Variants in GNAI3 observed in about 807,000 individuals in gnomAD.
GNAI3 encodes the protein guanine nucleotide-binding protein G(i) subunit alpha-3.
GNAI3 carries 12 observed loss-of-function variants against 41.8 expected under a neutral mutation model. The ratio of observed to expected loss-of-function variants is 0.29; its 90% CI spans 0.18 to 0.47. The LOEUF (loss-of-function observed/expected upper bound fraction) is 0.47. Ranked by LOEUF, GNAI3 falls within the 20% of genes least tolerant of loss-of-function variation. GNAI3 has a pLI of 1.00. For synonymous variants in GNAI3, 132 were observed against 146.5 expected (o/e 0.90, Z 0.71); for missense variants, 360 against 429.6 (o/e 0.84, Z 1.43).
chr1:109,567,174 G>C (rs924000824), intron 1 of GNAI3, among the ~76,000 whole-genome samples: 3 of 152,164 alleles, frequency 2.0e-5, no homozygotes, highest in African/African-American at 7.2e-5. Context: ...AGAAGAGAGA[G>C]TCTTGGTCTA....
rs1489400499 is a variant in GNAI3 at position 109,597,838 on chromosome 1, GAA to G, written c.*5518_*5519del. 1.3e-5 allele frequency: 2 copies of G among 152,178 alleles called. No individual in the cohort carries two copies. Among genetic ancestry groups the G allele is most frequent in the African/African-American group, 4.8e-5 (2 of 41,440 alleles). 9.4% of individuals were successfully genotyped at this position (152,178 alleles called of 1,614,324 possible). On this transcript the variant is annotated 3_prime_UTR_variant, in exon 9 of 9. Transcript: ENST00000369851. ...TGAATATTTATTTACACTTGGTAGA[GAA>G]AGCAAAGCTAGCTAGCTCTAAACTA... is the stretch of plus-strand genomic sequence containing the variant.
chr1:109,595,722 A>T lies in GNAI3; in HGVS notation c.*3400A>T, dbSNP rs922423003. On this transcript the variant is annotated 3_prime_UTR_variant, in exon 9 of 9. Coordinates refer to ENST00000369851, the MANE Select transcript of GNAI3 (RefSeq NM_006496.4). ...TTAGCATGTGTGACATAGTTCTGGA[A>T]TTTCCTGTTGCAGAACTCCTTGCTG... The T allele has an allele frequency of 9.2e-5, 14 of 152,028 alleles. No homozygotes were observed. Among genetic ancestry groups the T allele is most frequent in the African/African-American group, 2.9e-4 (12 of 41,466 alleles). The allele number at this position is 152,028 out of a possible 1,614,324, so 9.4% of individuals were successfully genotyped here.
chr1:109,595,291 G>A lies in GNAI3; in HGVS notation c.*2969G>A, dbSNP rs1570556302. On this transcript the variant is annotated 3_prime_UTR_variant, in exon 9 of 9. Coordinates refer to ENST00000369851, the MANE Select transcript of GNAI3 (RefSeq NM_006496.4). ...GCTTTGCAACAGATTTCACCTCCTAGCATGAAAATTCCAAAAACTTTAACA... is the reference window on the plus strand; with the variant it reads ...GCTTTGCAACAGATTTCACCTCCTAACATGAAAATTCCAAAAACTTTAACA... 1 of 152,080 alleles carries A rather than the reference G, an allele frequency of 6.6e-6. No homozygotes were observed. The highest frequency in any genetic ancestry group is 6.6e-5 in the Admixed American group (1 of 15,264). 9.4% of individuals were successfully genotyped at this position (152,080 alleles called of 1,614,324 possible).
intron 1 of GNAI3, among the ~76,000 whole-genome samples, chr1:109,555,236 G>T (rs896369817): frequency 6.6e-6 from 1 of 152,078 alleles, no homozygotes; most frequent in Non-Finnish European, 1.5e-5. Context: ...GCAAGACTAA[G>T]CAAAAAGAAC....
chr1:109,590,636 C>T (rs1298495718), intron 7 of GNAI3, among the ~76,000 whole-genome samples: 2 of 151,494 alleles, frequency 1.3e-5, no homozygotes, highest in African/African-American at 4.9e-5. Context: ...AATGCAGTGG[C>T]ATGATCTCGG....
At chr1:109,550,212 T>G (rs1053793952) in intron 1 of GNAI3, among the ~76,000 whole-genome samples, 2 of 152,246 alleles carry the variant, frequency 1.3e-5, no homozygotes. Context: ...TAAGTGCCCC[T>G]GTTAGTCTCT....
Position 109,596,793 on chromosome 1 carries a change from G to A in GNAI3, c.*4471G>A, listed in dbSNP as rs1649319416. 6.6e-6 allele frequency: 1 copy of A among 152,196 alleles called. No individual in the cohort carries two copies. Among genetic ancestry groups the A allele is most frequent in the Admixed American group, 6.5e-5 (1 of 15,274 alleles). The allele number at this position is 152,196 out of a possible 1,614,324, so 9.4% of individuals were successfully genotyped here. A position where few individuals can be genotyped will look rare whatever the true frequency, so the allele number is the denominator to read the frequency against. On this transcript the variant is annotated 3_prime_UTR_variant, in exon 9 of 9. Coordinates refer to ENST00000369851, the MANE Select transcript of GNAI3 (RefSeq NM_006496.4). Reference sequence around the variant, plus strand: ...GTTAATTTGATTTAGCAGATTCTTTGGCTAAACCCTAGTAAATTAAAATGT... The same window carrying A: ...GTTAATTTGATTTAGCAGATTCTTTAGCTAAACCCTAGTAAATTAAAATGT...
At chr1:109,560,910 T>C (rs1279351137) in intron 1 of GNAI3, among the ~76,000 whole-genome samples, 1 of 152,234 alleles carries the variant, frequency 6.6e-6, no homozygotes, top group African/African-American at 2.4e-5. Context: ...TTGTAAGTTA[T>C]TGAAGGGTTG....
chr1:109,563,724 T>A (rs777562647), intron 1 of GNAI3, among the ~76,000 whole-genome samples: 3 of 152,142 alleles, frequency 2.0e-5, no homozygotes, highest in Non-Finnish European at 2.9e-5. Flanking sequence ...TATAGTGCCA[T>A]GTAAGTTATG....
At chr1:109,583,226 T>A (rs1044804066) in intron 5 of GNAI3, among the ~76,000 whole-genome samples, 1 of 152,218 alleles carries the variant, frequency 6.6e-6, no homozygotes, top group African/African-American at 2.4e-5. Context: ...TTTATTTTTT[T>A]AGAGACAGGG....
intron 1 of GNAI3, among the ~76,000 whole-genome samples, chr1:109,572,098 A>G (rs1648617197): frequency 6.6e-6 from 1 of 152,106 alleles, no homozygotes; most frequent in African/African-American, 2.4e-5. Context: ...ACCTGAGGTC[A>G]GGAGTTTGTG....
chr1:109,583,226 T>G (rs1044804066), intron 5 of GNAI3, among the ~76,000 whole-genome samples: 4 of 152,218 alleles, frequency 2.6e-5, no homozygotes, highest in Non-Finnish European at 5.9e-5. Flanking sequence ...TTTATTTTTT[T>G]AGAGACAGGG....
chr1:109,587,642 G>A (rs6682956), intron 7 of GNAI3, among the ~76,000 whole-genome samples: 27,633 of 152,062 alleles, frequency 0.18, 2,676 homozygotes, highest in East Asian at 0.34. Context: ...GGGAAGAAGT[G>A]GTTGGAGAGA....
intron 3 of GNAI3, among the ~76,000 whole-genome samples, chr1:109,574,450 G>C (rs749998034): frequency 1.3e-5 from 2 of 152,034 alleles, no homozygotes; most frequent in Admixed American, 6.6e-5. Context: ...ATTCTGTAAG[G>C]ACATGAGCAC....
chr1:109,589,827 A>G (rs1472276415), intron 7 of GNAI3, among the ~76,000 whole-genome samples: 1 of 152,226 alleles, frequency 6.6e-6, no homozygotes, highest in Non-Finnish European at 1.5e-5. Flanking sequence ...GAGAATGGGA[A>G]GAAAAGGGAG....
chr1:109,549,105 C>A (rs1470784302), intron 1 of GNAI3, among the ~76,000 whole-genome samples: 1 of 151,884 alleles, frequency 6.6e-6, no homozygotes, highest in Non-Finnish European at 1.5e-5. Context: ...GAGTATGGGC[C>A]GGTAGATGTT....
Position 109,586,801 on chromosome 1 carries a change from A to G in GNAI3, c.793A>G (p.Ile265Val), listed in dbSNP as rs777387686. 6.3e-7 allele frequency: 1 copy of G among 1,596,116 alleles called. No individual in the cohort carries two copies. The highest frequency in any genetic ancestry group is 8.6e-7 in the Non-Finnish European group (1 of 1,163,912). ...NNKWFTETSI[I>V]LFLNKKDLFE... ...CAAATGGTTTACAGAAACTTCAATC[A>G]TTCTCTTCCTTAACAAGAAAGACCT... Residue 265 changes from isoleucine (I) to valine (V), a missense_variant, in exon 7 of 9, where the codon ATT becomes GTT. By Grantham distance (29) the Ile-to-Val change is conservative (BLOSUM62 3). Coordinates refer to ENST00000369851, the MANE Select transcript of GNAI3 (RefSeq NM_006496.4).
intron 6 of GNAI3, 106 bp from the exon 7 acceptor site, chr1:109,586,623 C>A: frequency 1.2e-6 from 1 of 802,170 alleles, no homozygotes; most frequent in Non-Finnish European, 2.0e-6. Flanking sequence ...GACTTATTTC[C>A]GTGAATGCCA....
chr1:109,573,589 C>T (rs1648662538), intron 1 of GNAI3, 148 bp from the exon 2 acceptor site: 1 of 633,504 alleles, frequency 1.6e-6, no homozygotes, highest in Admixed American at 2.8e-5. Flanking sequence ...GGAGAAGCTC[C>T]ATACATTTTC....
Sources: gnomAD v4.1 joint callset for allele counts (sites outside exome capture counted in the v4.1 genomes callset) on GRCh38, gnomAD v4.1.1 for gene constraint, MANE v1.5 for transcripts, NCBI Gene and HGNC (gene_info 2026-07-23, HGNC 2026-07-21) for gene names.